LIMK2: variants seen among roughly 807,000 people sequenced by gnomAD.
The protein encoded by LIMK2 is LIM domain kinase 2.
A neutral mutation model predicts 75.7 loss-of-function variants in LIMK2; 35 were observed. That is an observed-to-expected ratio of 0.46 (90% CI 0.35 to 0.61). The LOEUF (loss-of-function observed/expected upper bound fraction) is 0.61. LIMK2 is among the 20% of genes least tolerant of loss of function. LIMK2 has a pLI of 0.00. For synonymous variants in LIMK2, 301 were observed against 319.2 expected (o/e 0.94, Z 0.61); for missense variants, 623 against 831.0 (o/e 0.75, Z 3.08).
intron 2 of LIMK2, among the ~76,000 whole-genome samples, chr22:31,246,932 C>T (rs1435850914): frequency 6.6e-6 from 1 of 152,168 alleles, no homozygotes; most frequent in East Asian, 1.9e-4. Flanking sequence ...AAGCACTTAA[C>T]ACAGGGCCTA....
At chr22:31,252,626 C>G (rs969816475) in intron 2 of LIMK2, among the ~76,000 whole-genome samples, 1 of 151,304 alleles carries the variant, frequency 6.6e-6, no homozygotes, top group South Asian at 2.1e-4. Context: ...TTACAGAAAT[C>G]TGTTTCATTC....
At chr22:31,235,865 T>C (rs1259551539) in intron 2 of LIMK2, among the ~76,000 whole-genome samples, 1 of 152,188 alleles carries the variant, frequency 6.6e-6, no homozygotes, top group African/African-American at 2.4e-5. Flanking sequence ...CCACAAGTAA[T>C]GAAAGCAGTA....
At chr22:31,274,544 G>T (rs2048992708) in intron 14 of LIMK2, among the ~76,000 whole-genome samples, 1 of 152,072 alleles carries the variant, frequency 6.6e-6, no homozygotes. Context: ...GGGACTACAG[G>T]TGTGCGCCAC....
intron 11 of LIMK2, among the ~76,000 whole-genome samples, chr22:31,270,920 G>T (rs1429914075): frequency 6.6e-6 from 1 of 152,224 alleles, no homozygotes; most frequent in Non-Finnish European, 1.5e-5. Context: ...CAAAGGATGG[G>T]CAGGAGATGG....
intron 4 of LIMK2, 93 bp downstream of exon 4, chr22:31,259,323 GGGTA>G (rs1301151996): frequency 2.7e-6 from 2 of 736,116 alleles, no homozygotes; most frequent in East Asian, 5.2e-5. Flanking sequence ...AGGAGTGTTA[GGGTA>G]GTCAGAGCAT....
At position 31,262,244 on chromosome 22, in the gene LIMK2, AGT is replaced by A. The variant is rs1568997720; in HGVS notation, c.657+12_657+13del. The A allele has an allele frequency of 1.3e-6, 2 of 1,596,874 alleles. No homozygotes were observed. The highest frequency in any genetic ancestry group is 4.5e-5 in the East Asian group (2 of 44,792). Reference sequence around the variant, plus strand: ...CGCACACTTCGAGTGGAGGAGGTAGAGTGTGTGTCTAATCTGTCTTGTGAGGG... The same window carrying A: ...CGCACACTTCGAGTGGAGGAGGTAGAGTGTGTCTAATCTGTCTTGTGAGGG... On this transcript the variant is annotated splice_donor_region_variant and intron_variant, in intron 6 of 15. Coordinates refer to ENST00000331728, the MANE Select transcript of LIMK2 (RefSeq NM_005569.4). This position sits in a 1 kb window ranked among gnomAD's most constrained non-coding sequence, Gnocchi z 5.0.
At chr22:31,255,978 C>CT (rs567250437) in intron 2 of LIMK2, among the ~76,000 whole-genome samples, 479 of 29,696 alleles carry the variant, frequency 0.016, 206 homozygotes, top group Non-Finnish European at 0.019. Context: ...TATATTGGGT[C>CT]TTTTTTTTTT....
rs377064397 is a variant in LIMK2, at chr22:31,212,357, G to A, written c.-52G>A. On this transcript the variant is annotated 5_prime_UTR_variant, in exon 1 of 16. Transcript: ENST00000331728. Reference sequence around the variant, plus strand: ...TGAGGGGAGTTGTAGGGAACTGAGGGGAGCTGCTGTGTCCCCCGCCTCCTC... The same window carrying A: ...TGAGGGGAGTTGTAGGGAACTGAGGAGAGCTGCTGTGTCCCCCGCCTCCTC... The A allele has an allele frequency of 4.1e-5, 54 of 1,327,516 alleles. No homozygotes were observed. Among genetic ancestry groups the A allele is most frequent in the Middle Eastern group, 2.0e-4 (1 of 4,908 alleles). The allele number at this position is 1,327,516 out of a possible 1,614,324, so 82.2% of individuals were successfully genotyped here.
At chr22:31,274,642 C>G (rs5753534) in intron 14 of LIMK2, among the ~76,000 whole-genome samples, 3 of 152,126 alleles carry the variant, frequency 2.0e-5, no homozygotes, top group Non-Finnish European at 4.4e-5. Context: ...CTCAGGTGAT[C>G]CACCCGCTTC....
chr22:31,220,475 A>G (rs1001156536), intron 1 of LIMK2, among the ~76,000 whole-genome samples: 2 of 152,232 alleles, frequency 1.3e-5, no homozygotes, highest in African/African-American at 4.8e-5. Context: ...GGAGATAAGA[A>G]CATAATAAAG....
At chr22:31,216,389 CA>C (rs372344536) in intron 1 of LIMK2, among the ~76,000 whole-genome samples, 1 of 152,032 alleles carries the variant, frequency 6.6e-6, no homozygotes, top group African/African-American at 2.4e-5. Flanking sequence ...GTGGAAGGTA[CA>C]GCTGAGAATG....
intron 7 of LIMK2, among the ~76,000 whole-genome samples, chr22:31,265,098 G>A (rs1424526762): frequency 1.3e-5 from 2 of 151,062 alleles, no homozygotes; most frequent in African/African-American, 4.9e-5. Flanking sequence ...GGAGGCTGAG[G>A]CAGGAGAATC....
At chr22:31,265,913 C>T in intron 7 of LIMK2, 33 bp from the exon 8 acceptor site, 1 of 1,601,670 alleles carries the variant, frequency 6.2e-7, no homozygotes, top group Non-Finnish European at 8.5e-7. Flanking sequence ...CTGAGGACTA[C>T]ACATCCCTAC....
chr22:31,266,051 C>T lies in LIMK2; in HGVS notation c.960C>T (p.Ser320=). ...CAGAATCCCTTCGTTGTTCCAGCAG[C>T]TATTCACAGCAGATCTTCCGGCCCT... is the stretch of plus-strand genomic sequence containing the variant. ...SRSESLRCSS[S]YSQQIFRPCD... The change falls in exon 8 of 16, where the codon AGC becomes AGT. Residue 320 remains serine (S), a synonymous_variant. Transcript: ENST00000331728. 6.2e-7 allele frequency: 1 copy of T among 1,614,214 alleles called. No homozygotes were observed. Among genetic ancestry groups the T allele is most frequent in the South Asian group, 1.1e-5 (1 of 91,080 alleles).
rs1601423124 is a variant in LIMK2, at chr22:31,250,695, G to T, written c.117-7596G>T. On this transcript the variant is annotated intron_variant, in intron 2 of 15. Transcript: ENST00000331728. ...AGACCCTCTGCTCTCCCAGGTATCC[G>T]TTACCACATCACTACCTGGTCAGAA... 3.3e-5 allele frequency among the ~76,000 whole-genome samples: 5 copies of T among 152,132 alleles called. 1 individual carries two copies. The highest frequency in any genetic ancestry group is 3.3e-4 in the Admixed American group (5 of 15,276).
intron 11 of LIMK2, among the ~76,000 whole-genome samples, chr22:31,269,286 CTTTTTTTTTTTTT>C (rs796361643): frequency 1.0e-5 from 1 of 95,480 alleles, no homozygotes; most frequent in Non-Finnish European, 2.2e-5. Flanking sequence ...ATTTTTTTTT[CTTTTTTTTTTTTT>C]TTTTTTTTGG....
At chr22:31,271,792 C>A (rs1173072482) in intron 12 of LIMK2, among the ~76,000 whole-genome samples, 2 of 152,212 alleles carry the variant, frequency 1.3e-5, no homozygotes, top group Non-Finnish European at 2.9e-5. Flanking sequence ...TTGTCTCCCC[C>A]AAGTCTCCCC....
intron 15 of LIMK2, chr22:31,277,174 A>T (rs1250719099): frequency 3.1e-6 from 5 of 1,612,472 alleles, no homozygotes; most frequent in Non-Finnish European, 4.2e-6. Context: ...TGGCTCCCAT[A>T]GGACAATCGC....
chr22:31,243,792 C>T (rs1238000362), intron 2 of LIMK2, among the ~76,000 whole-genome samples: 1 of 152,180 alleles, frequency 6.6e-6, no homozygotes, highest in Non-Finnish European at 1.5e-5. Flanking sequence ...GACCAGTTTC[C>T]AAGGGTGGGA....
Sources: allele counts gnomAD v4.1 joint callset (sites outside exome capture counted in the v4.1 genomes callset), GRCh38; gene constraint gnomAD v4.1.1; non-coding constraint Gnocchi (gnomAD v3.1); transcripts MANE v1.5; gene names NCBI Gene and HGNC (gene_info 2026-07-23, HGNC 2026-07-21).